PBX1: variants seen among roughly 807,000 people sequenced by gnomAD.
PBX1 encodes the protein PBX homeobox 1.
A neutral mutation model predicts 53.4 loss-of-function variants in PBX1; 6 were observed. That is an observed-to-expected ratio of 0.11 (90% CI 0.06 to 0.22). The LOEUF is 0.22. Among genes scored for constraint, PBX1 ranks in the 10% least tolerant of loss-of-function variants. PBX1 has a pLI of 1.00. For missense variants in PBX1, 251 were observed against 551.4 expected (o/e 0.46, Z 5.46); for synonymous variants, 204 against 212.3 (o/e 0.96, Z 0.34).
chr1:164,673,125 C>T (rs748911632), intron 2 of PBX1, among the ~76,000 whole-genome samples: 2 of 152,036 alleles, frequency 1.3e-5, no homozygotes, highest in African/African-American at 2.4e-5. Flanking sequence ...TGAACCCAAG[C>T]AAATCCATAC....
At chr1:164,852,529 T>C (rs530355425), downstream of PBX1, among the ~76,000 whole-genome samples, 56 of 152,250 alleles carry the variant, frequency 3.7e-4, 1 homozygote, top group African/African-American at 1.2e-3. Flanking sequence ...ATCCATAGAG[T>C]GGGATGGAAC....
At position 164,848,807 on chromosome 1, in the gene PBX1, A is replaced by G. The variant is rs942528678; in HGVS notation, c.*2131A>G. Reference sequence around the variant, plus strand: ...CAAGAACATGGAAATTCTGCTTGGCACTACAGTCATAAATAGAAAACACTG... The same window carrying G: ...CAAGAACATGGAAATTCTGCTTGGCGCTACAGTCATAAATAGAAAACACTG... On this transcript the variant is annotated 3_prime_UTR_variant, in exon 9 of 9. Coordinates refer to ENST00000420696, the MANE Select transcript of PBX1 (RefSeq NM_002585.4). 1 of 1,062,854 alleles carries G rather than the reference A, an allele frequency of 9.4e-7. No homozygotes were observed. The highest frequency in any genetic ancestry group is 1.6e-5 in the African/African-American group (1 of 60,924). 65.8% of individuals were successfully genotyped at this position (1,062,854 alleles called of 1,614,324 possible). A position where few individuals can be genotyped will look rare whatever the true frequency, so the allele number is the denominator to read the frequency against.
At chr1:164,883,836 C>T (rs1672717360) in intron 2 of PBX1, among the ~76,000 whole-genome samples, 1 of 152,096 alleles carries the variant, frequency 6.6e-6, no homozygotes, top group Non-Finnish European at 1.5e-5. Flanking sequence ...AAACATTTTT[C>T]TCTGACAATG....
At chr1:164,737,035 A>G (rs542195570) in intron 2 of PBX1, among the ~76,000 whole-genome samples, 1 of 152,234 alleles carries the variant, frequency 6.6e-6, no homozygotes, top group African/African-American at 2.4e-5. Context: ...CAGAGACCCA[A>G]GGAGACAAGA....
intron 2 of PBX1, among the ~76,000 whole-genome samples, chr1:164,638,040 A>G (rs1020867655): frequency 3.3e-5 from 5 of 152,176 alleles, no homozygotes; most frequent in African/African-American, 1.2e-4. Context: ...GGGTCTATTA[A>G]TGTTTATACG....
chr1:164,611,748 A>G (rs1046163168), intron 2 of PBX1, among the ~76,000 whole-genome samples: 7 of 152,176 alleles, frequency 4.6e-5, no homozygotes, highest in African/African-American at 1.7e-4. Context: ...GAAGAGGGTG[A>G]CATACCCCAC....
chr1:164,825,434 T>G (rs1490622118), intron 8 of PBX1, among the ~76,000 whole-genome samples: 1 of 152,204 alleles, frequency 6.6e-6, no homozygotes, highest in Non-Finnish European at 1.5e-5. Flanking sequence ...ACATGTTCGT[T>G]GAATGAATAA....
chr1:164,665,656 T>A, intron 2 of PBX1, among the ~76,000 whole-genome samples: 1 of 152,198 alleles, frequency 6.6e-6, no homozygotes, highest in South Asian at 2.1e-4. Flanking sequence ...CCTGGCAGCC[T>A]GTGTTTGTAG....
At chr1:164,707,418 TGAGAGAGAGA>T (rs528876002) in intron 2 of PBX1, among the ~76,000 whole-genome samples, 2,287 of 118,210 alleles carry the variant, frequency 0.019, 47 homozygotes, top group South Asian at 0.076. Context: ...TGTGTGTGTG[TGAGAGAGAGA>T]GAGAGAGAGA....
At chr1:164,646,413 AT>A (rs1659455165) in intron 2 of PBX1, among the ~76,000 whole-genome samples, 1 of 152,206 alleles carries the variant, frequency 6.6e-6, no homozygotes, top group African/African-American at 2.4e-5. Context: ...CACATACATT[AT>A]GGAATCAACT....
Position 164,849,529 on chromosome 1 carries a change from C to A in PBX1, c.*2853C>A. ...GGCCAGTCCTACAGAGAGCAAGATG[C>A]ACCCCAGGATTTCTTCATTTTCTAA... is the stretch of plus-strand genomic sequence containing the variant. On this transcript the variant is annotated 3_prime_UTR_variant, in exon 9 of 9. Coordinates refer to ENST00000420696, the MANE Select transcript of PBX1 (RefSeq NM_002585.4). 7.4e-7 allele frequency: 1 copy of A among 1,345,796 alleles called. No individual in the cohort carries two copies. The highest frequency in any genetic ancestry group is 1.0e-6 in the Non-Finnish European group (1 of 996,210). 83.4% of individuals were successfully genotyped at this position (1,345,796 alleles called of 1,614,324 possible).
intron 2 of PBX1, among the ~76,000 whole-genome samples, chr1:164,573,227 G>T (rs187972701): frequency 6.6e-6 from 1 of 151,710 alleles, no homozygotes; most frequent in Non-Finnish European, 1.5e-5. Flanking sequence ...GAGATATTTT[G>T]CATTCTTTTT....
chr1:164,759,479 A>G (rs528257707), intron 2 of PBX1, among the ~76,000 whole-genome samples: 1 of 152,274 alleles, frequency 6.6e-6, no homozygotes, highest in African/African-American at 2.4e-5. Context: ...CTGGTTCAGG[A>G]GCTTCATGTG....
intron 3 of PBX1, 106 bp downstream of exon 3, chr1:164,792,844 T>C (rs1206530827): frequency 5.9e-6 from 5 of 846,866 alleles, no homozygotes; most frequent in African/African-American, 5.1e-5. Flanking sequence ...TCCCAGGTGC[T>C]GGCATCCCTG....
intron 2 of PBX1, among the ~76,000 whole-genome samples, chr1:164,754,330 C>T (rs1417834535): frequency 1.3e-5 from 2 of 152,176 alleles, no homozygotes; most frequent in African/African-American, 2.4e-5. Context: ...GAGAAAGAGC[C>T]GCAGTAGGAG....
At chr1:164,567,522 G>C (rs1277410891) in intron 2 of PBX1, among the ~76,000 whole-genome samples, 1 of 151,846 alleles carries the variant, frequency 6.6e-6, no homozygotes, top group Non-Finnish European at 1.5e-5. Flanking sequence ...AGTTTTACCT[G>C]ATGCTATCTT....
intron 2 of PBX1, among the ~76,000 whole-genome samples, chr1:164,655,194 A>G (rs1660089924): frequency 6.8e-6 from 1 of 147,638 alleles, no homozygotes; most frequent in Non-Finnish European, 1.5e-5. Context: ...GCTCACTGCA[A>G]CCTCCACCTC....
In PBX1 at chr1:164,849,453, G is replaced by A; in HGVS notation, c.*2777G>A. 1 of 1,535,124 alleles carries A rather than the reference G, an allele frequency of 6.5e-7. No individual in the cohort carries two copies. Among genetic ancestry groups the A allele is most frequent in the Non-Finnish European group, 8.7e-7 (1 of 1,146,464 alleles). ...GAGAACACTGAGAGCAGCAGGATGG[G>A]TTTGGAAAGAGCATGCCTCTGGAAA... On this transcript the variant is annotated 3_prime_UTR_variant, in exon 9 of 9. Transcript: ENST00000420696.
chr1:164,737,572 G>A (rs1175153099), intron 2 of PBX1, among the ~76,000 whole-genome samples: 2 of 151,238 alleles, frequency 1.3e-5, no homozygotes, highest in Non-Finnish European at 2.9e-5. Flanking sequence ...TCTGCCTTCC[G>A]GGTTCAAGAG....
Sources: allele counts gnomAD v4.1 joint callset (sites outside exome capture counted in the v4.1 genomes callset), GRCh38; gene constraint gnomAD v4.1.1; transcripts MANE v1.5; gene names NCBI Gene and HGNC (gene_info 2026-07-23, HGNC 2026-07-21).